The following CNNM2 variants were observed in gnomAD, a reference collection of about 807,000 sequenced individuals.
CNNM2 encodes cyclin and CBS domain divalent metal cation transport mediator 2.
A neutral mutation model predicts 66.9 loss-of-function variants in CNNM2; 12 were observed. The observed-to-expected ratio is 0.18, with a 90% CI of 0.11 to 0.29. CNNM2 has a LOEUF of 0.29. Ranked by LOEUF, CNNM2 falls within the 10% of genes least tolerant of loss-of-function variation. CNNM2 has a pLI of 1.00. For synonymous variants in CNNM2, 557 were observed against 501.8 expected, an observed-to-expected ratio of 1.11 and a Z score of -1.47; for missense variants, 705 against 1,167.7, an observed-to-expected ratio of 0.60 and a Z score of 5.77.
intron 1 of CNNM2, among the ~76,000 whole-genome samples, chr10:102,938,822 C>G (rs551441075): frequency 1.8e-4 from 28 of 151,970 alleles, no homozygotes; most frequent in African/African-American, 6.5e-4. Context: ...GCGTTTTGAC[C>G]TGATTACTGT....
At chr10:103,013,290 GATAA>G (rs2064380716) in intron 1 of CNNM2, among the ~76,000 whole-genome samples, 1 of 152,234 alleles carries the variant, frequency 6.6e-6, no homozygotes. Context: ...TATAAAATGG[GATAA>G]ATAGTCTCTT....
intron 1 of CNNM2, among the ~76,000 whole-genome samples, chr10:102,985,739 T>TA (rs1391209992): frequency 1.3e-5 from 2 of 152,224 alleles, no homozygotes; most frequent in African/African-American, 4.8e-5. Context: ...ATTGATAGAA[T>TA]AGCTGTCTTT....
chr10:102,943,765 ATGTATGTC>A (rs1414711222), intron 1 of CNNM2, among the ~76,000 whole-genome samples: 3 of 152,270 alleles, frequency 2.0e-5, no homozygotes, highest in South Asian at 4.1e-4. Flanking sequence ...GTATATTCAT[ATGTATGTC>A]TGTATGTCTG....
chr10:103,039,746 C>T (rs1018384883), intron 1 of CNNM2, among the ~76,000 whole-genome samples: 1 of 152,036 alleles, frequency 6.6e-6, no homozygotes, highest in Non-Finnish European at 1.5e-5. Flanking sequence ...GGCTGGGGCT[C>T]TATAAGGGCT....
chr10:102,968,910 CTT>C lies in CNNM2; in HGVS notation c.1621+48829_1621+48830del, dbSNP rs767809554. 4.6e-4 allele frequency among the ~76,000 whole-genome samples: 46 copies of C among 99,680 alleles called. 1 individual carries two copies. The highest frequency in any genetic ancestry group is 1.2e-3 in the East Asian group (4 of 3,312). 65.4% of individuals were successfully genotyped at this position (99,680 alleles called of 152,430 possible). ...GCCACTTGTGCCCAGCCAGTGCTGT[CTT>C]TTTTTTTTTTTTTTTTTTTGAGACA... On this transcript the variant is annotated intron_variant, in intron 1 of 7. Coordinates refer to ENST00000369878, the MANE Select transcript of CNNM2 (RefSeq NM_017649.5).
In CNNM2 at chr10:102,925,296, CAAAAAAAAAA is replaced by C. The variant is rs10624810; in HGVS notation, c.1621+5216_1621+5225del. On this transcript the variant is annotated intron_variant, in intron 1 of 7. Coordinates refer to ENST00000369878, the MANE Select transcript of CNNM2 (RefSeq NM_017649.5). Reference sequence around the variant, plus strand: ...GGGCAACAAGAGCGAAACTCCATCTCAAAAAAAAAAAAAAAAAAAAAAAAAAAAAAGATTT... The same window carrying C: ...GGGCAACAAGAGCGAAACTCCATCTCAAAAAAAAAAAAAAAAAAAAGATTT... 0.073 allele frequency among the ~76,000 whole-genome samples: 1,291 copies of C among 17,634 alleles called. 19 individuals carry two copies. The highest frequency in any genetic ancestry group is 0.23 in the African/African-American group (1,200 of 5,158). 11.6% of individuals were successfully genotyped at this position (17,634 alleles called of 152,430 possible).
chr10:103,060,571 A>C (rs2065368283), intron 4 of CNNM2, among the ~76,000 whole-genome samples: 1 of 152,232 alleles, frequency 6.6e-6, no homozygotes, highest in South Asian at 2.1e-4. Flanking sequence ...AAATTTAAAA[A>C]AAGAAAAGGT....
At chr10:103,052,963 A>G (rs1298168099) in intron 2 of CNNM2, among the ~76,000 whole-genome samples, 2 of 152,256 alleles carry the variant, frequency 1.3e-5, no homozygotes, top group Non-Finnish European at 2.9e-5. Context: ...CTTCTCAGGA[A>G]AAGCCTAGTA....
rs1159273787 is a variant in CNNM2, at chr10:103,085,419, C to T, written c.*8239C>T. 6 of 152,140 alleles carry T rather than the reference C, an allele frequency of 3.9e-5. No homozygotes were observed. Among genetic ancestry groups the T allele is most frequent in the Admixed American group, 3.9e-4 (6 of 15,290 alleles). 9.4% of individuals were successfully genotyped at this position (152,140 alleles called of 1,614,324 possible). ...AAGGTTTGCTTGGCAAATCTTCTTT[C>T]CAAGTATCTCAAGAACTTGTGAGAC... is the stretch of plus-strand genomic sequence containing the variant. On this transcript the variant is annotated 3_prime_UTR_variant, in exon 8 of 8. Transcript: ENST00000369878.
intron 1 of CNNM2, among the ~76,000 whole-genome samples, chr10:102,997,034 A>G (rs1415358734): frequency 1.3e-5 from 2 of 152,190 alleles, no homozygotes; most frequent in African/African-American, 2.4e-5. Context: ...CCTGGATCCC[A>G]TATCCTCTCC....
At chr10:102,994,404 A>G (rs897006790) in intron 1 of CNNM2, among the ~76,000 whole-genome samples, 4 of 152,222 alleles carry the variant, frequency 2.6e-5, no homozygotes, top group Non-Finnish European at 5.9e-5. Context: ...TCAATCAGAT[A>G]TTTATTGAGC....
intron 1 of CNNM2, among the ~76,000 whole-genome samples, chr10:102,945,782 A>G (rs1455705469): frequency 6.6e-6 from 1 of 152,112 alleles, no homozygotes; most frequent in Non-Finnish European, 1.5e-5. Context: ...GACTCTATGT[A>G]TCCATGTTTA....
chr10:102,925,337 G>T (rs990909403), intron 1 of CNNM2, among the ~76,000 whole-genome samples: 1 of 144,706 alleles, frequency 6.9e-6, no homozygotes, highest in African/African-American at 2.5e-5. Flanking sequence ...GATTTACTTG[G>T]GTCACTTAAT....
chr10:102,982,278 T>C (rs967045140), intron 1 of CNNM2, among the ~76,000 whole-genome samples: 10 of 152,214 alleles, frequency 6.6e-5, no homozygotes, highest in Admixed American at 2.0e-4. Context: ...ATTTGATTCA[T>C]ATTGGTCTGT....
intron 1 of CNNM2, among the ~76,000 whole-genome samples, chr10:103,017,839 C>T (rs2064483863): frequency 1.3e-5 from 2 of 151,772 alleles, no homozygotes; most frequent in Admixed American, 6.6e-5. Flanking sequence ...TAGTGGGCAC[C>T]TGTAATCCCA....
At chr10:102,920,434 A>G (rs924156012) in intron 1 of CNNM2, among the ~76,000 whole-genome samples, 13 of 149,700 alleles carry the variant, frequency 8.7e-5, no homozygotes, top group African/African-American at 3.0e-4. Flanking sequence ...TGCCGCCTTC[A>G]TTGTCTGGGT....
At chr10:102,985,556 G>A (rs2063783757) in intron 1 of CNNM2, among the ~76,000 whole-genome samples, 1 of 151,938 alleles carries the variant, frequency 6.6e-6, no homozygotes, top group Admixed American at 6.6e-5. Flanking sequence ...TCTCCTTCAG[G>A]TTCTTCCTTG....
At chr10:102,954,905 C>G (rs913213085) in intron 1 of CNNM2, among the ~76,000 whole-genome samples, 1 of 152,130 alleles carries the variant, frequency 6.6e-6, no homozygotes, top group Non-Finnish European at 1.5e-5. Context: ...AAGAACATTC[C>G]ATGCTCATGG....
Position 103,068,741 on chromosome 10 carries a change from C to A in CNNM2, c.2167+19C>A. On this transcript the variant is annotated intron_variant, in intron 5 of 7. Coordinates refer to ENST00000369878, the MANE Select transcript of CNNM2 (RefSeq NM_017649.5). ...TCTCCAGGTATGTTTGGTTCCCAGC[C>A]GCATAGGGCAGGACCACGTGTTAGG... 1.3e-6 allele frequency: 2 copies of A among 1,594,230 alleles called. No homozygotes were observed. Among genetic ancestry groups the A allele is most frequent in the South Asian group, 1.1e-5 (1 of 89,084 alleles).
Sources: gnomAD v4.1 joint callset for allele counts (sites outside exome capture counted in the v4.1 genomes callset) on GRCh38, gnomAD v4.1.1 for gene constraint, MANE v1.5 for transcripts, NCBI Gene and HGNC (gene_info 2026-07-23, HGNC 2026-07-21) for gene names.